FRY: variants seen among roughly 807,000 people sequenced by gnomAD.
The protein encoded by FRY is FRY microtubule binding protein, also known as protein furry homolog.
A neutral mutation model predicts 348.4 loss-of-function variants in FRY; 128 were observed. The ratio of observed to expected loss-of-function variants is 0.37; its 90% CI spans 0.32 to 0.43. The LOEUF is 0.43. Ranked by LOEUF, FRY falls within the 20% of genes least tolerant of loss-of-function variation. The probability of loss-of-function intolerance (pLI) is 1.00; values close to 1 mark genes in which losing one functional copy is unlikely to be tolerated. For synonymous variants in FRY, 1,370 were observed against 1,374.7 expected (o/e 1.00, Z 0.08); for missense variants, 2,736 against 3,695.2 (o/e 0.74, Z 6.73).
intron 2 of FRY, among the ~76,000 whole-genome samples, chr13:32,096,114 C>A (rs1593607249): frequency 6.6e-6 from 1 of 151,184 alleles, no homozygotes; most frequent in South Asian, 2.1e-4. Flanking sequence ...TTCCTTTCAT[C>A]TTTTGTTCTC....
intron 47 of FRY, among the ~76,000 whole-genome samples, chr13:32,245,579 A>G (rs1193213316): frequency 1.3e-5 from 2 of 152,132 alleles, no homozygotes; most frequent in African/African-American, 2.4e-5. Flanking sequence ...ACACCACTGC[A>G]CTCCAACCCG....
At chr13:32,188,285 G>A (rs1883140670) in intron 28 of FRY, among the ~76,000 whole-genome samples, 1 of 152,056 alleles carries the variant, frequency 6.6e-6, no homozygotes, top group South Asian at 2.1e-4. Flanking sequence ...CCTAAGTCCT[G>A]GAAACTTAAC....
At chr13:32,145,553 T>TGAGACGGAGTC (rs1880375398) in intron 11 of FRY, among the ~76,000 whole-genome samples, 1 of 147,650 alleles carries the variant, frequency 6.8e-6, no homozygotes, top group Non-Finnish European at 1.5e-5. Flanking sequence ...TTTTTTTTTT[T>TGAGACGGAGTC]TTGAGACGGA....
intron 58 of FRY, among the ~76,000 whole-genome samples, chr13:32,285,117 A>T (rs1888983709): frequency 6.6e-6 from 1 of 152,214 alleles, no homozygotes; most frequent in Admixed American, 6.5e-5. Context: ...AATCCTCGTG[A>T]CTAAATAAAA....
At chr13:32,192,342 C>CGGCTGGAGTGCAGT (rs545645001) in intron 28 of FRY, among the ~76,000 whole-genome samples, 12,119 of 151,744 alleles carry the variant, frequency 0.08, 612 homozygotes, top group East Asian at 0.28. Flanking sequence ...TCTGTCCCCC[C>CGGCTGGAGTGCAGT]GGCTGGAGTG....
chr13:32,136,692 C>T (rs529135212), intron 10 of FRY, among the ~76,000 whole-genome samples, 179 bp from the exon 11 acceptor site: 3 of 152,330 alleles, frequency 2.0e-5, no homozygotes, highest in East Asian at 1.9e-4. Context: ...TATCAGAAAG[C>T]GTTTGTGAAA....
chr13:32,285,301 T>G (rs181102760), intron 58 of FRY, among the ~76,000 whole-genome samples: 116 of 152,282 alleles, frequency 7.6e-4, no homozygotes, highest in African/African-American at 2.6e-3. Flanking sequence ...AGAAAGGCTT[T>G]TTTCACTCTT....
chr13:32,147,199 C>T (rs750505898), intron 11 of FRY, 83 bp from the exon 12 acceptor site: 12 of 833,736 alleles, frequency 1.4e-5, no homozygotes, highest in Non-Finnish European at 2.5e-5. Flanking sequence ...TTGCCTTTTC[C>T]AGGCCTGCAG....
chr13:32,249,754 T>A, intron 49 of FRY, 67 bp downstream of exon 49: 1 of 1,381,598 alleles, frequency 7.2e-7, no homozygotes, highest in Non-Finnish European at 1.0e-6. Context: ...TGTGGCTGGG[T>A]CATAAGGGAT....
chr13:32,041,194 T>G (rs914274816), intron 1 of FRY, among the ~76,000 whole-genome samples: 11 of 150,456 alleles, frequency 7.3e-5, no homozygotes, highest in Non-Finnish European at 1.0e-4. Flanking sequence ...TTAACAAATC[T>G]CCCCTAAAAA....
intron 1 of FRY, among the ~76,000 whole-genome samples, chr13:32,045,768 A>G: frequency 6.6e-6 from 1 of 152,186 alleles, no homozygotes; most frequent in East Asian, 1.9e-4. Flanking sequence ...AGGTAGGAGT[A>G]TTACTGTGGT....
rs1880523419 is a variant in FRY, at chr13:32,147,404, C to T, written c.1283+19C>T. On this transcript the variant is annotated intron_variant, in intron 12 of 60. Coordinates refer to ENST00000542859, the MANE Select transcript of FRY (RefSeq NM_023037.3). ...CTCAGAGGTAAGATTTGGCTTGTGT[C>T]AATGGTAACCATATCACTCAGCCAC... is the stretch of plus-strand genomic sequence containing the variant. 1 of 1,349,384 alleles carries T rather than the reference C, an allele frequency of 7.4e-7. No individual in the cohort carries two copies. The highest frequency in any genetic ancestry group is 1.2e-5 in the South Asian group (1 of 85,388). 83.6% of individuals were successfully genotyped at this position (1,349,384 alleles called of 1,614,324 possible).
At chr13:32,128,194 C>G (rs1162535469) in intron 7 of FRY, among the ~76,000 whole-genome samples, 1 of 152,198 alleles carries the variant, frequency 6.6e-6, no homozygotes, top group Non-Finnish European at 1.5e-5. Flanking sequence ...CGAATGTCCT[C>G]TGCTCACCTG....
At chr13:32,155,762 A>G in intron 15 of FRY, 100 bp downstream of exon 15, 4 of 747,190 alleles carry the variant, frequency 5.4e-6, no homozygotes, top group Non-Finnish European at 8.6e-6. Flanking sequence ...AAATCTTTAT[A>G]GAAGTAGATG....
chr13:32,185,210 T>C (rs1405530217), intron 26 of FRY, 62 bp downstream of exon 26: 3 of 1,463,490 alleles, frequency 2.0e-6, no homozygotes, highest in Non-Finnish European at 2.9e-6. Context: ...TGTTCTTTAT[T>C]ACGGTGCTTT....
At chr13:32,062,070 A>C (rs773474139) in intron 1 of FRY, among the ~76,000 whole-genome samples, 19 of 152,118 alleles carry the variant, frequency 1.2e-4, no homozygotes, top group Non-Finnish European at 2.4e-4. Context: ...AAATTACTAG[A>C]AGTTTACATA....
intron 2 of FRY, among the ~76,000 whole-genome samples, chr13:32,084,744 G>T (rs909483748): frequency 6.6e-6 from 1 of 152,190 alleles, no homozygotes; most frequent in Non-Finnish European, 1.5e-5. Context: ...AGTTGTGCAT[G>T]TGCATACCAG....
chr13:32,154,463 C>T (rs553507500), intron 14 of FRY, among the ~76,000 whole-genome samples: 3 of 152,178 alleles, frequency 2.0e-5, no homozygotes, highest in East Asian at 1.9e-4. Flanking sequence ...AAAATGTAAT[C>T]GTGTTCTACT....
chr13:32,173,075 C>G (rs17077178), intron 18 of FRY, among the ~76,000 whole-genome samples: 19,052 of 152,190 alleles, frequency 0.13, 1,519 homozygotes, highest in African/African-American at 0.22. Context: ...AAGTGGTATA[C>G]ATGAAAGGAG....
Sources: gnomAD v4.1 joint callset for allele counts (sites outside exome capture counted in the v4.1 genomes callset) on GRCh38, gnomAD v4.1.1 for gene constraint, MANE v1.5 for transcripts, NCBI Gene and HGNC (gene_info 2026-07-23, HGNC 2026-07-21) for gene names.